The following PTCHD4 variants were observed in gnomAD, a reference collection of about 807,000 sequenced individuals.
PTCHD4 encodes the protein patched domain containing 4.
In PTCHD4, 33 loss-of-function variants were observed where a neutral mutation model predicts 58.1. The observed-to-expected ratio is 0.57, with a 90% CI of 0.43 to 0.76. PTCHD4 has a LOEUF of 0.76. Among genes scored for constraint, PTCHD4 ranks in the 30% least tolerant of loss-of-function variants. The probability of loss-of-function intolerance (pLI) is 0.00; values close to 1 mark genes in which losing one functional copy is unlikely to be tolerated. For synonymous variants in PTCHD4, 478 were observed against 409.6 expected (o/e 1.17, Z -2.02); for missense variants, 1,058 against 1,027.1 (o/e 1.03, Z -0.41).
chr6:47,879,019 A>G lies in PTCHD4; in HGVS notation c.1816T>C (p.Tyr606His), dbSNP rs778033526. The G allele has an allele frequency of 8.1e-6, 13 of 1,613,354 alleles. No homozygotes were observed. The highest frequency in any genetic ancestry group is 1.1e-5 in the Non-Finnish European group (13 of 1,179,744). Reference protein sequence around the residue: ...DESNIIASRLYLVARTSRDKQ... With the variant: ...DESNIIASRLHLVARTSRDKQ... ...TCTCTGCTAGTCCTGGCCACCAGAT[A>G]CAAGCGAGAAGCAATGATATTGCTT... Residue 606 changes from tyrosine to histidine, a missense_variant, in exon 5 of 5, where the codon TAT becomes CAT. Coordinates refer to ENST00000339488, the MANE Select transcript of PTCHD4 (RefSeq NM_001384253.1).
Position 47,962,565 on chromosome 6 carries a change from G to T in PTCHD4, c.898+46069C>A, listed in dbSNP as rs185252886. Among the ~76,000 whole-genome samples the T allele has an allele frequency of 2.5e-4, 38 of 152,176 alleles. No homozygotes were observed. The East Asian group carries it at 6.8e-3, about 27-fold the overall frequency. ...TCACGAGAACTGAGAATCTCGTGAG[G>T]TTATAAGGGGCTCTTCCCCGTTCAC... On this transcript the variant is annotated intron_variant, in intron 4 of 4. Transcript: ENST00000339488.
chr6:48,033,347 T>G (rs963889390), intron 3 of PTCHD4, among the ~76,000 whole-genome samples: 1 of 152,054 alleles, frequency 6.6e-6, no homozygotes, highest in Non-Finnish European at 1.5e-5. Flanking sequence ...TGTACTTTTT[T>G]CATCCTTTCT....
At chr6:48,078,268 G>C (rs1244425886) in intron 1 of PTCHD4, among the ~76,000 whole-genome samples, 2 of 152,186 alleles carry the variant, frequency 1.3e-5, no homozygotes, top group Non-Finnish European at 2.9e-5. Flanking sequence ...GGTGATTCAT[G>C]TATTTGCACA....
chr6:47,985,935 C>G (rs1422531079), intron 4 of PTCHD4, among the ~76,000 whole-genome samples: 1 of 151,594 alleles, frequency 6.6e-6, no homozygotes, highest in African/African-American at 2.4e-5. Context: ...AAAATTTCAG[C>G]CTATATTGAA....
intron 4 of PTCHD4, among the ~76,000 whole-genome samples, chr6:47,908,558 A>C (rs1764973513): frequency 6.6e-6 from 1 of 152,126 alleles, no homozygotes; most frequent in Non-Finnish European, 1.5e-5. Context: ...TTTTGAACAT[A>C]ATGCCCAAAG....
intron 4 of PTCHD4, chr6:47,901,479 T>A: frequency 7.1e-6 from 7 of 981,444 alleles, no homozygotes; most frequent in Non-Finnish European, 8.5e-6. Flanking sequence ...TTACAGCACA[T>A]CTAAACTTCA....
intron 3 of PTCHD4, among the ~76,000 whole-genome samples, chr6:48,034,729 C>T (rs1389678296): frequency 6.6e-6 from 1 of 152,092 alleles, no homozygotes; most frequent in Admixed American, 6.6e-5. Context: ...ATCTAATTAC[C>T]ACAAGCACCA....
At chr6:47,975,609 ACT>A (rs1330147181) in intron 4 of PTCHD4, among the ~76,000 whole-genome samples, 1 of 151,746 alleles carries the variant, frequency 6.6e-6, no homozygotes, top group East Asian at 1.9e-4. Flanking sequence ...ACCAATAATT[ACT>A]CTGTCTTCCT....
chr6:48,007,929 C>CGT (rs1250012594), intron 4 of PTCHD4, among the ~76,000 whole-genome samples: 4 of 39,298 alleles, frequency 1.0e-4, no homozygotes, highest in African/African-American at 5.1e-4. Flanking sequence ...AGAATATGTG[C>CGT]GCGCGCGCAC....
At chr6:47,988,802 A>T (rs1768173849) in intron 4 of PTCHD4, among the ~76,000 whole-genome samples, 1 of 152,150 alleles carries the variant, frequency 6.6e-6, no homozygotes, top group Non-Finnish European at 1.5e-5. Flanking sequence ...TCCCAGTCTC[A>T]GTTATGTCTT....
At chr6:47,967,501 C>A (rs2113981282) in intron 4 of PTCHD4, among the ~76,000 whole-genome samples, 1 of 152,314 alleles carries the variant, frequency 6.6e-6, no homozygotes, top group Middle Eastern at 3.4e-3. Context: ...TCAGCCCATC[C>A]TTTGAAGCTT....
intron 3 of PTCHD4, among the ~76,000 whole-genome samples, chr6:48,029,629 C>T (rs1396145344): frequency 1.3e-5 from 2 of 151,952 alleles, no homozygotes; most frequent in Admixed American, 6.6e-5. Flanking sequence ...AAAGGTGAAA[C>T]GATTGCTTTT....
In PTCHD4 at chr6:47,878,055, A is replaced by G. The variant is rs549455131; in HGVS notation, c.*248T>C. ...CTCCATTGATTCATCCATTCCTTGG[A>G]AGAGCTCTCAGATTACATCCAGAAA... On this transcript the variant is annotated 3_prime_UTR_variant, in exon 5 of 5. Transcript: ENST00000339488. The G allele has an allele frequency of 1.7e-5, 6 of 362,330 alleles. No homozygotes were observed. The East Asian group carries it at 2.2e-4, about 13-fold the overall frequency. The allele number at this position is 362,330 out of a possible 1,614,324, so 22.4% of individuals were successfully genotyped here. A position where few individuals can be genotyped will look rare whatever the true frequency, so the allele number is the denominator to read the frequency against.
chr6:48,071,698 C>G (rs654460), intron 1 of PTCHD4, among the ~76,000 whole-genome samples: 24,112 of 152,060 alleles, frequency 0.16, 1,958 homozygotes, highest in African/African-American at 0.21. Context: ...ACTTTATTTA[C>G]TTTTCCTTAC....
chr6:47,888,568 T>A (rs1026497284), intron 4 of PTCHD4, among the ~76,000 whole-genome samples: 5 of 152,216 alleles, frequency 3.3e-5, no homozygotes, highest in Non-Finnish European at 7.3e-5. Context: ...AGTGTATAGA[T>A]AAAAGACATA....
At chr6:47,956,403 G>C (rs767163713) in intron 4 of PTCHD4, among the ~76,000 whole-genome samples, 1 of 152,032 alleles carries the variant, frequency 6.6e-6, no homozygotes, top group Non-Finnish European at 1.5e-5. Flanking sequence ...GACAGGGCAA[G>C]TATTTGAAGC....
At chr6:47,895,890 G>A (rs1269696008) in intron 4 of PTCHD4, among the ~76,000 whole-genome samples, 1 of 152,126 alleles carries the variant, frequency 6.6e-6, no homozygotes, top group East Asian at 1.9e-4. Context: ...CTCAGATGAT[G>A]TCTGCATAGG....
chr6:47,997,626 C>T (rs947816583), intron 4 of PTCHD4, among the ~76,000 whole-genome samples: 1 of 152,164 alleles, frequency 6.6e-6, no homozygotes, highest in Non-Finnish European at 1.5e-5. Flanking sequence ...GACTGATTTG[C>T]TAAGGGTACA....
rs1214979651 is a variant in PTCHD4 at position 48,067,835 on chromosome 6, T to C, written c.417+395A>G. Among the ~76,000 whole-genome samples the C allele has an allele frequency of 2.6e-5, 4 of 151,926 alleles. No homozygotes were observed. In the East Asian group the frequency reaches 7.7e-4, roughly 29 times the overall value. On this transcript the variant is annotated intron_variant, in intron 3 of 4. Transcript: ENST00000339488. ...GTTTTCATTTTTCTTTTTTTTTTTA[T>C]TTTTGGTATTTGTTTTGTTTGGCCT...
Sources: allele counts gnomAD v4.1 joint callset (sites outside exome capture counted in the v4.1 genomes callset), GRCh38; gene constraint gnomAD v4.1.1; transcripts MANE v1.5; gene names NCBI Gene and HGNC (gene_info 2026-07-23, HGNC 2026-07-21).